Variants in CA8 observed in about 807,000 individuals in gnomAD.
CA8 encodes carbonic anhydrase 8 (inactive), also known as carbonic anhydrase-related protein.
In CA8, 22 loss-of-function variants were observed where a neutral mutation model predicts 41.4. The ratio of observed to expected loss-of-function variants is 0.53; its 90% CI spans 0.38 to 0.76. The LOEUF is 0.76. Ranked by LOEUF, CA8 falls within the 30% of genes least tolerant of loss-of-function variation. The pLI is 0.00. For synonymous variants in CA8, 121 were observed against 130.6 expected (o/e 0.93, Z 0.50); for missense variants, 270 against 352.8 (o/e 0.77, Z 1.88).
intron 7 of CA8, among the ~76,000 whole-genome samples, chr8:60,213,611 A>G (rs1806915853): frequency 6.6e-6 from 1 of 152,234 alleles, no homozygotes; most frequent in South Asian, 2.1e-4. Context: ...AGTGCAGAAT[A>G]CACACTGCAA....
At chr8:60,265,754 G>A in intron 3 of CA8, 171 bp downstream of exon 3, 1 of 699,040 alleles carries the variant, frequency 1.4e-6, no homozygotes, top group Non-Finnish European at 2.4e-6. Flanking sequence ...TAGACAGGAG[G>A]TTTCATGTGC....
At chr8:60,220,459 G>C (rs1267673401) in intron 7 of CA8, among the ~76,000 whole-genome samples, 1 of 152,086 alleles carries the variant, frequency 6.6e-6, no homozygotes, top group Non-Finnish European at 1.5e-5. Context: ...TGAACACCTG[G>C]GCCCATTTTT....
chr8:60,252,016 T>A lies in CA8; in HGVS notation c.417+13909A>T, dbSNP rs143957740. On this transcript the variant is annotated intron_variant, in intron 3 of 8. Transcript: ENST00000317995. Reference sequence around the variant, plus strand: ...TTAAGTCTCTATTAAAATTTAGATATGGGTAAATGTAAAATATCCATGTAA... The same window carrying A: ...TTAAGTCTCTATTAAAATTTAGATAAGGGTAAATGTAAAATATCCATGTAA... Among the ~76,000 whole-genome samples, 216 of 152,336 alleles carry A rather than the reference T, an allele frequency of 1.4e-3. 1 individual carries two copies. The highest frequency in any genetic ancestry group is 6.8e-3 in the Middle Eastern group (2 of 294).
At position 60,281,202 on chromosome 8, in the gene CA8, G is replaced by C; in HGVS notation, c.-55C>G. ...CGGCAGCAGTGCCTGCGCCTTCGCT[G>C]GGCGCGGGGCTGGAGCCGGAGCGGA... On this transcript the variant is annotated 5_prime_UTR_variant, in exon 1 of 9. Transcript: ENST00000317995. 3 of 1,255,130 alleles carry C rather than the reference G, an allele frequency of 2.4e-6. No individual in the cohort carries two copies. Among genetic ancestry groups the C allele is most frequent in the Non-Finnish European group, 2.3e-6 (2 of 888,306 alleles). The allele number at this position is 1,255,130 out of a possible 1,614,324, so 77.7% of individuals were successfully genotyped here. A position where few individuals can be genotyped will look rare whatever the true frequency, so the allele number is the denominator to read the frequency against.
At chr8:60,256,284 T>C (rs531668262) in intron 3 of CA8, among the ~76,000 whole-genome samples, 3 of 152,216 alleles carry the variant, frequency 2.0e-5, no homozygotes, top group Non-Finnish European at 4.4e-5. Context: ...TATGTACTAA[T>C]GAAGGAATTG....
At chr8:60,217,143 T>C (rs1006675856) in intron 7 of CA8, among the ~76,000 whole-genome samples, 3 of 152,070 alleles carry the variant, frequency 2.0e-5, no homozygotes, top group African/African-American at 7.2e-5. Flanking sequence ...CTCAGCCTCC[T>C]GAAGTGCTTG....
intron 8 of CA8, among the ~76,000 whole-genome samples, chr8:60,193,392 C>A (rs1014386583): frequency 9.2e-5 from 14 of 152,170 alleles, no homozygotes; most frequent in Middle Eastern, 3.2e-3. Flanking sequence ...ATTTATTCAT[C>A]CCCTTGGTTT....
chr8:60,254,659 C>A (rs1808564647), intron 3 of CA8, among the ~76,000 whole-genome samples: 1 of 152,192 alleles, frequency 6.6e-6, no homozygotes. Flanking sequence ...AGCCCTGGAC[C>A]AGGGTCACAG....
chr8:60,217,814 T>C (rs1024986783), intron 7 of CA8, among the ~76,000 whole-genome samples: 1 of 152,132 alleles, frequency 6.6e-6, no homozygotes, highest in Non-Finnish European at 1.5e-5. Context: ...AGCCACCAGG[T>C]TCTGCTTCTA....
At chr8:60,271,329 GA>G (rs994854773) in intron 2 of CA8, among the ~76,000 whole-genome samples, 1 of 147,144 alleles carries the variant, frequency 6.8e-6, no homozygotes, top group Non-Finnish European at 1.5e-5. Context: ...ATGAGAGCCT[GA>G]AAAAAAAAAG....
At chr8:60,208,549 T>C (rs905545043) in intron 8 of CA8, 8 of 577,808 alleles carry the variant, frequency 1.4e-5, no homozygotes, top group Non-Finnish European at 2.1e-5. Flanking sequence ...AATATAATCA[T>C]AGTTTTTCTT....
intron 3 of CA8, among the ~76,000 whole-genome samples, chr8:60,242,290 G>A (rs1250869944): frequency 6.6e-6 from 1 of 152,080 alleles, no homozygotes; most frequent in Non-Finnish European, 1.5e-5. Flanking sequence ...ATCCTCATTA[G>A]CATCTTTATA....
intron 7 of CA8, among the ~76,000 whole-genome samples, chr8:60,216,756 T>C (rs1020489587): frequency 2.6e-5 from 4 of 152,192 alleles, no homozygotes; most frequent in African/African-American, 9.6e-5. Flanking sequence ...ACATTCTCAA[T>C]ATAGTTCAGC....
chr8:60,211,252 T>G (rs1806825582), intron 7 of CA8, among the ~76,000 whole-genome samples: 1 of 152,262 alleles, frequency 6.6e-6, no homozygotes, highest in African/African-American at 2.4e-5. Flanking sequence ...ATACTAGCAC[T>G]TCTATTGCAC....
chr8:60,221,641 TC>T, intron 7 of CA8, among the ~76,000 whole-genome samples: 1 of 152,150 alleles, frequency 6.6e-6, no homozygotes, highest in Non-Finnish European at 1.5e-5. Context: ...TTAGGATTTG[TC>T]ATAAAAATAT....
In CA8 at chr8:60,279,883, A is replaced by G. The variant is rs748411544; in HGVS notation, c.101-3T>C. On this transcript the variant is annotated splice_region_variant and splice_polypyrimidine_tract_variant and intron_variant, in intron 1 of 8. Transcript: ENST00000317995. ...AAACACCAGACCCCACTCAACACCT[A>G]AGAACAAAATGAAATAAATTAAAAA... 6.2e-7 allele frequency: 1 copy of G among 1,605,980 alleles called. No homozygotes were observed. Among genetic ancestry groups the G allele is most frequent in the Admixed American group, 1.7e-5 (1 of 59,176 alleles).
chr8:60,244,213 T>C (rs1206639141), intron 3 of CA8, among the ~76,000 whole-genome samples: 1 of 152,168 alleles, frequency 6.6e-6, no homozygotes, highest in Non-Finnish European at 1.5e-5. Flanking sequence ...ATGCATCCAC[T>C]TGGCTGATTC....
In CA8 at chr8:60,231,645, G is replaced by A. The variant is rs531997377; in HGVS notation, c.513+639C>T. Among the ~76,000 whole-genome samples the A allele has an allele frequency of 1.2e-4, 18 of 152,238 alleles. No individual in the cohort carries two copies. The South Asian group carries it at 1.2e-3, about 11-fold the overall frequency. On this transcript the variant is annotated intron_variant, in intron 4 of 8. Transcript: ENST00000317995. ...ACTCTTTCACCTCTAAATCTTTTAC[G>A]ATGTCAAACAGGTAATAAGACAAAA... is the stretch of plus-strand genomic sequence containing the variant.
chr8:60,267,807 T>C (rs1331965917), intron 2 of CA8, among the ~76,000 whole-genome samples: 1 of 152,226 alleles, frequency 6.6e-6, no homozygotes, highest in Non-Finnish European at 1.5e-5. Context: ...CTTCATCCTA[T>C]TTCCCAGAAC....
Sources: allele counts gnomAD v4.1 joint callset (sites outside exome capture counted in the v4.1 genomes callset), GRCh38; gene constraint gnomAD v4.1.1; transcripts MANE v1.5; gene names NCBI Gene and HGNC (gene_info 2026-07-23, HGNC 2026-07-21).